The following KLHL3 variants were observed in gnomAD, a reference collection of about 807,000 sequenced individuals.
KLHL3 encodes the protein kelch-like protein 3.
Under a neutral mutation model 70.5 loss-of-function variants are expected in KLHL3, and 19 were observed. The observed-to-expected ratio is 0.27, with a 90% confidence interval of 0.19 to 0.40. The LOEUF (loss-of-function observed/expected upper bound fraction) is 0.40. Among genes scored for constraint, KLHL3 ranks in the 10% least tolerant of loss-of-function variants. The pLI, the probability that KLHL3 is intolerant of heterozygous loss-of-function variation, is 1.00. For missense variants in KLHL3, 512 were observed against 771.1 expected, an observed-to-expected ratio of 0.66 and a Z score of 3.98; for synonymous variants, 258 against 290.3, an observed-to-expected ratio of 0.89 and a Z score of 1.13.
At chr5:137,679,527 G>GCT (rs1751972716) in intron 5 of KLHL3, among the ~76,000 whole-genome samples, 1 of 152,128 alleles carries the variant, frequency 6.6e-6, no homozygotes, top group African/African-American at 2.4e-5. Context: ...AAAATTCTAT[G>GCT]CTGTGAAATA....
chr5:137,677,542 T>C lies in KLHL3; in HGVS notation c.636+3A>G, dbSNP rs1751914984. 2.5e-6 allele frequency: 4 copies of C among 1,578,304 alleles called. No individual in the cohort carries two copies. The East Asian group carries it at 6.7e-5, about 27-fold the overall frequency. On this transcript the variant is annotated splice_donor_region_variant and intron_variant, in intron 6 of 14. Coordinates refer to ENST00000309755, the MANE Select transcript of KLHL3 (RefSeq NM_017415.3). ...CCCGTTTCCCCAGTGAGCCATGTCA[T>C]ACCTTCTCTTCTGAAGAAACGGTCA...
At chr5:137,680,011 C>A (rs913591256) in intron 5 of KLHL3, among the ~76,000 whole-genome samples, 6 of 152,196 alleles carry the variant, frequency 3.9e-5, no homozygotes, top group African/African-American at 1.4e-4. Context: ...GAACTAGGGT[C>A]CCCTCTCTGT....
At chr5:137,669,991 G>A (rs1040645207) in intron 6 of KLHL3, among the ~76,000 whole-genome samples, 2 of 152,144 alleles carry the variant, frequency 1.3e-5, no homozygotes, top group African/African-American at 4.8e-5. Context: ...TGCCCCAGCT[G>A]TAAAACTAAG....
Position 137,625,831 on chromosome 5 carries a change from A to C in KLHL3, c.1657T>G (p.Ser553Ala), listed in dbSNP as rs1750446984. 6.2e-7 allele frequency: 1 copy of C among 1,614,186 alleles called. No homozygotes were observed. Among genetic ancestry groups the C allele is most frequent in the Non-Finnish European group, 8.5e-7 (1 of 1,180,036 alleles). ...GGDDGSCNLA[S>A]VEYYNPVTDK... ...GTGACAGGATTGTAGTACTCCACCG[A>C]AGCCAAGTTGCAGGATCCATCATCC... Residue 553 changes from serine to alanine, a missense_variant, in exon 14 of 15, where the codon TCG (serine) becomes GCG (alanine). Ser to Ala is a moderately conservative substitution (Grantham distance 99, BLOSUM62 1). Transcript: ENST00000309755.
rs749492539 is a variant in KLHL3, at chr5:137,647,863, T to C, written c.904-7886A>G. 4.6e-5 allele frequency among the ~76,000 whole-genome samples: 7 copies of C among 152,124 alleles called. 1 individual carries two copies. The highest frequency in any genetic ancestry group is 1.0e-4 in the Non-Finnish European group (7 of 68,026). On this transcript the variant is annotated intron_variant, in intron 8 of 14. Transcript: ENST00000309755. The stretch of plus-strand genomic sequence containing the variant: ...AATCAGACACATCTGGGCCCAAATA[T>C]AGTATCAGCCCAGTCACTATATAGC...
chr5:137,631,896 G>A (rs769438913), intron 12 of KLHL3, among the ~76,000 whole-genome samples: 5 of 152,018 alleles, frequency 3.3e-5, no homozygotes, highest in Non-Finnish European at 7.4e-5. Flanking sequence ...GTGTCTAGCT[G>A]CAAAGGTGCT....
chr5:137,690,413 G>A (rs1158702429), intron 5 of KLHL3, among the ~76,000 whole-genome samples: 1 of 152,094 alleles, frequency 6.6e-6, no homozygotes, highest in Non-Finnish European at 1.5e-5. Flanking sequence ...GGCTTCACTG[G>A]GAGCCCTCCC....
Position 137,712,156 on chromosome 5 carries a change from C to CAAAAAAAAAAAA in KLHL3, c.135-2312_135-2301dup, listed in dbSNP as rs201519598. 3.5e-4 allele frequency among the ~76,000 whole-genome samples: 26 copies of CAAAAAAAAAAAA among 74,870 alleles called. 1 individual carries two copies. Among genetic ancestry groups the CAAAAAAAAAAAA allele is most frequent in the African/African-American group, 1.4e-3 (26 of 18,358 alleles). The allele number at this position is 74,870 out of a possible 152,430, so 49.1% of individuals were successfully genotyped here. A position where few individuals can be genotyped will look rare whatever the true frequency, so the allele number is the denominator to read the frequency against. On this transcript the variant is annotated intron_variant, in intron 2 of 14. Transcript: ENST00000309755. ...CCTGGGTGACAGAGCAAGATTCTGT[C>CAAAAAAAAAAAA]AAAAAAAAAAAAAAAAAAAAAAAAA...
At chr5:137,638,019 T>C (rs756479425) in intron 10 of KLHL3, among the ~76,000 whole-genome samples, 10 of 152,252 alleles carry the variant, frequency 6.6e-5, no homozygotes, top group Non-Finnish European at 1.2e-4. Flanking sequence ...CATGAGTTAC[T>C]GGACCAACTC....
chr5:137,636,117 A>C (rs191288928), intron 11 of KLHL3, among the ~76,000 whole-genome samples: 37 of 152,324 alleles, frequency 2.4e-4, no homozygotes, highest in Admixed American at 8.5e-4. Context: ...TGCAAGATAC[A>C]ATTTACCTTG....
intron 11 of KLHL3, among the ~76,000 whole-genome samples, chr5:137,635,115 A>C (rs967585377): frequency 1.3e-5 from 2 of 152,242 alleles, no homozygotes; most frequent in Non-Finnish European, 2.9e-5. Flanking sequence ...GACACCAAGA[A>C]TACTACTAGT....
In KLHL3 at chr5:137,713,378, C is replaced by A. The variant is rs542937602; in HGVS notation, c.135-3522G>T. Among the ~76,000 whole-genome samples the A allele has an allele frequency of 3.3e-5, 5 of 152,100 alleles. No homozygotes were observed. The East Asian group carries it at 9.6e-4, about 29-fold the overall frequency. On this transcript the variant is annotated intron_variant, in intron 2 of 14. Coordinates refer to ENST00000309755, the MANE Select transcript of KLHL3 (RefSeq NM_017415.3). ...TAAAATTGAGAGTCCAGAAATAAAC[C>A]TTTGTATGTTCAATTGATTTTTGAC...
intron 10 of KLHL3, 43 bp downstream of exon 10, chr5:137,638,910 G>A: frequency 1.3e-6 from 2 of 1,573,876 alleles, no homozygotes; most frequent in Non-Finnish European, 1.7e-6. Context: ...CATGGAGGAT[G>A]TGTCCCAGGC....
chr5:137,622,081 G>T lies in KLHL3; in HGVS notation c.*17C>A. The T allele has an allele frequency of 1.2e-6, 2 of 1,614,014 alleles. No individual in the cohort carries two copies. Among genetic ancestry groups the T allele is most frequent in the Non-Finnish European group, 1.7e-6 (2 of 1,179,868 alleles). ...GCACCTGCTCCTTCCTCCACCTCCT[G>T]GCAGTAGGAGTTTGGGTCACAAGGA... is the stretch of plus-strand genomic sequence containing the variant. On this transcript the variant is annotated 3_prime_UTR_variant, in exon 15 of 15. Transcript: ENST00000309755.
At chr5:137,638,637 A>G (rs4324669) in intron 10 of KLHL3, among the ~76,000 whole-genome samples, 145,648 of 152,236 alleles carry the variant, frequency 0.96, 70,013 homozygotes, top group East Asian at 1. Flanking sequence ...CAAACTGGAG[A>G]CCTGAGGCAC....
intron 6 of KLHL3, among the ~76,000 whole-genome samples, chr5:137,662,441 G>A (rs986123198): frequency 2.0e-5 from 3 of 152,260 alleles, no homozygotes; most frequent in East Asian, 1.9e-4. Flanking sequence ...GGGCAATGTC[G>A]TCATCTCCCC....
chr5:137,637,855 T>A (rs1320848879), intron 10 of KLHL3, among the ~76,000 whole-genome samples: 2 of 152,168 alleles, frequency 1.3e-5, no homozygotes, highest in African/African-American at 4.8e-5. Context: ...CTACGGGGAT[T>A]TCAGAAACAG....
At chr5:137,641,785 C>T (rs1213962152) in intron 8 of KLHL3, among the ~76,000 whole-genome samples, 2 of 152,060 alleles carry the variant, frequency 1.3e-5, no homozygotes, top group Non-Finnish European at 2.9e-5. Flanking sequence ...AAGTGGGTAA[C>T]CAGTGTTCAA....
At chr5:137,685,094 G>A (rs559433140) in intron 5 of KLHL3, among the ~76,000 whole-genome samples, 3 of 152,308 alleles carry the variant, frequency 2.0e-5, no homozygotes, top group Non-Finnish European at 4.4e-5. Flanking sequence ...GGCAAGACTG[G>A]CTTTAAAATA....
Sources: allele counts gnomAD v4.1 joint callset (sites outside exome capture counted in the v4.1 genomes callset), GRCh38; gene constraint gnomAD v4.1.1; transcripts MANE v1.5; gene names NCBI Gene and HGNC (gene_info 2026-07-23, HGNC 2026-07-21).